The following BFSP1 variants were observed in gnomAD, a reference collection of about 807,000 sequenced individuals.
The protein encoded by BFSP1 is filensin.
In BFSP1, 38 loss-of-function variants were observed where a neutral mutation model predicts 43.9. The observed-to-expected ratio is 0.87, with a 90% confidence interval of 0.67 to 1.14. The LOEUF (loss-of-function observed/expected upper bound fraction) is 1.14, where lower values mean the gene tolerates loss of function less well. Ranked by LOEUF, BFSP1 falls within the 50% of genes most tolerant of loss-of-function variation. The probability of loss-of-function intolerance (pLI) is 0.00; values close to 1 mark genes in which losing one functional copy is unlikely to be tolerated. For synonymous variants in BFSP1, 352 were observed against 354.8 expected, an observed-to-expected ratio of 0.99 and a Z score of 0.09; for missense variants, 850 against 875.1, an observed-to-expected ratio of 0.97 and a Z score of 0.36.
chr20:17,549,267 G>C lies in BFSP1; in HGVS notation c.2+9421C>G, dbSNP rs141552168. Among the ~76,000 whole-genome samples, 361 of 152,190 alleles carry C rather than the reference G, an allele frequency of 2.4e-3. 6 individuals are homozygous for C. The highest frequency in any genetic ancestry group is 0.015 in the Admixed American group (232 of 15,272). On this transcript the variant is annotated intron_variant, in intron 1 of 7. Transcript: ENST00000377868. ...TTCCTGGTTGTATTAGTCTGTACTC[G>C]CACTGCTATAAAGAAATACCAAGAC...
At chr20:17,537,835 T>C (rs1251821523) in intron 1 of BFSP1, among the ~76,000 whole-genome samples, 2 of 152,086 alleles carry the variant, frequency 1.3e-5, no homozygotes, top group African/African-American at 4.8e-5. Context: ...AAAATGACCT[T>C]GGCTGGGTGC....
In BFSP1 at chr20:17,494,878, C is replaced by G; in HGVS notation, c.1194G>C (p.Lys398Asn). Residue 398 changes from lysine to asparagine, a missense_variant, in exon 8 of 8, where the codon AAG (lysine) becomes AAC (asparagine). By Grantham distance (94) the Lys-to-Asn change is moderately conservative (BLOSUM62 0). Coordinates refer to ENST00000377873, the MANE Select transcript of BFSP1 (RefSeq NM_001195.5). Reference protein sequence around the residue: ...DAPLKGLEDTKLVQVVLKEES... With the variant: ...DAPLKGLEDTNLVQVVLKEES... The stretch of plus-strand genomic sequence containing the variant: ...CCTCTTTAAGTACCACCTGTACCAG[C>G]TTTGTGTCTTCCAAACCTTTTAATG... 2.5e-6 allele frequency: 4 copies of G among 1,614,216 alleles called. No individual in the cohort carries two copies. Among genetic ancestry groups the G allele is most frequent in the Non-Finnish European group, 2.5e-6 (3 of 1,180,044 alleles).
chr20:17,496,917 T>A, intron 7 of BFSP1, 21 bp downstream of exon 7: 1 of 1,505,864 alleles, frequency 6.6e-7, no homozygotes, highest in Non-Finnish European at 8.9e-7. Context: ...AAAACAGAAG[T>A]CCAGTGTTGG....
chr20:17,551,070 C>T (rs2034888955), intron 1 of BFSP1, among the ~76,000 whole-genome samples: 2 of 152,164 alleles, frequency 1.3e-5, no homozygotes, highest in Admixed American at 1.3e-4. Context: ...AGGTTCATTC[C>T]AACTCTTCAC....
rs1042833237 is a variant in BFSP1, at chr20:17,553,891, A to G, written c.2+4797T>C. On this transcript the variant is annotated intron_variant, in intron 1 of 7. Coordinates refer to the BFSP1 transcript ENST00000377868. ...TATATACATATATATATATACACAC[A>G]TATATATTTCTGATGGCAAGTCTGA... 1.2e-4 allele frequency among the ~76,000 whole-genome samples: 18 copies of G among 145,868 alleles called. 1 individual carries two copies. The highest frequency in any genetic ancestry group is 4.1e-4 in the African/African-American group (16 of 39,462).
chr20:17,506,195 C>A (rs779114149), intron 5 of BFSP1, among the ~76,000 whole-genome samples: 12 of 152,200 alleles, frequency 7.9e-5, no homozygotes, highest in Non-Finnish European at 1.2e-4. Context: ...GAAACAGGGT[C>A]CTCACTCCTG....
intron 1 of BFSP1, among the ~76,000 whole-genome samples, chr20:17,555,466 A>G (rs921673745): frequency 6.6e-6 from 1 of 151,394 alleles, no homozygotes; most frequent in African/African-American, 2.4e-5. Flanking sequence ...CAGCCTGACC[A>G]ACATTGTGAT....
upstream of BFSP1, among the ~76,000 whole-genome samples, chr20:17,562,376 A>T (rs371662592): frequency 2.6e-4 from 39 of 151,614 alleles, 1 homozygote; most frequent in African/African-American, 9.2e-4. Context: ...AAATACAAAA[A>T]CTTAGCCAGG....
intron 2 of BFSP1, among the ~76,000 whole-genome samples, chr20:17,519,968 G>C (rs2034282587): frequency 6.6e-6 from 1 of 152,188 alleles, no homozygotes; most frequent in Non-Finnish European, 1.5e-5. Context: ...ATTTTCAAAA[G>C]CTTCACCAGC....
Position 17,494,431 on chromosome 20 carries a change from C to T in BFSP1, c.1641G>A (p.Glu547=). 1.2e-6 allele frequency: 2 copies of T among 1,614,234 alleles called. No individual in the cohort carries two copies. The highest frequency in any genetic ancestry group is 1.1e-5 in the South Asian group (1 of 91,082). Residue 547 remains glutamate, a synonymous_variant, in exon 8 of 8, where the codon GAG becomes GAA. Transcript: ENST00000377873. ...IDQQPIDKEI[E]PDGAELEGPE... ...GGCCTTCCAGCTCTGCACCATCTGG[C>T]TCAATCTCCTTGTCTATAGGCTGCT...
At chr20:17,509,824 C>A (rs1164604834) in intron 4 of BFSP1, among the ~76,000 whole-genome samples, 1 of 152,154 alleles carries the variant, frequency 6.6e-6, no homozygotes, top group Admixed American at 6.5e-5. Flanking sequence ...CCAAGCAGGT[C>A]CCTCTCTCCT....
At chr20:17,530,637 C>G (rs905522243) in intron 1 of BFSP1, among the ~76,000 whole-genome samples, 1 of 152,188 alleles carries the variant, frequency 6.6e-6, no homozygotes, top group Non-Finnish European at 1.5e-5. Context: ...CGTGGTAACA[C>G]GGGTATATAC....
intron 2 of BFSP1, among the ~76,000 whole-genome samples, chr20:17,520,032 C>T (rs939637320): frequency 6.6e-6 from 1 of 152,202 alleles, no homozygotes; most frequent in African/African-American, 2.4e-5. Flanking sequence ...TCTAATTTTA[C>T]AAAACATTCC....
intron 1 of BFSP1, among the ~76,000 whole-genome samples, chr20:17,565,070 A>G (rs1415967241): frequency 6.6e-6 from 1 of 152,078 alleles, no homozygotes; most frequent in Non-Finnish European, 1.5e-5. Context: ...GAAAAAAAAA[A>G]TGACCATCAC....
At chr20:17,518,966 G>A (rs2034261544) in intron 2 of BFSP1, among the ~76,000 whole-genome samples, 1 of 152,180 alleles carries the variant, frequency 6.6e-6, no homozygotes, top group East Asian at 1.9e-4. Flanking sequence ...GTGGTTCCCT[G>A]TGGAGTGATT....
intron 1 of BFSP1, among the ~76,000 whole-genome samples, chr20:17,565,282 T>C (rs749216968): frequency 7.2e-5 from 11 of 152,264 alleles, no homozygotes; most frequent in African/African-American, 1.9e-4. Flanking sequence ...TAGAAGGCTA[T>C]CTGGCAATAT....
At chr20:17,566,500 C>T (rs1176749547) in intron 1 of BFSP1, among the ~76,000 whole-genome samples, 1 of 152,186 alleles carries the variant, frequency 6.6e-6, no homozygotes, top group Non-Finnish European at 1.5e-5. Context: ...GGGTGGCTTA[C>T]AAACAACAGC....
upstream of BFSP1, among the ~76,000 whole-genome samples, chr20:17,559,414 G>A (rs2035046412): frequency 1.3e-5 from 2 of 152,198 alleles, no homozygotes; most frequent in African/African-American, 4.8e-5. Context: ...TGGAGTGCAA[G>A]CATCACCTTT....
intron 1 of BFSP1, among the ~76,000 whole-genome samples, chr20:17,544,249 G>A (rs549618048): frequency 2.6e-4 from 39 of 152,298 alleles, no homozygotes; most frequent in African/African-American, 9.1e-4. Context: ...AGATATCCCA[G>A]GCAAGGGACG....
Sources: gnomAD v4.1 joint callset for allele counts (sites outside exome capture counted in the v4.1 genomes callset) on GRCh38, gnomAD v4.1.1 for gene constraint, MANE v1.5 for transcripts, NCBI Gene and HGNC (gene_info 2026-07-23, HGNC 2026-07-21) for gene names.